ST3GAL3: variants seen among roughly 807,000 people sequenced by gnomAD.
ST3GAL3 encodes the protein ST3 beta-galactoside alpha-2,3-sialyltransferase 3.
Under a neutral mutation model 50.1 loss-of-function variants are expected in ST3GAL3, and 21 were observed. That is an observed-to-expected ratio of 0.42 (90% confidence interval 0.30 to 0.60). The LOEUF (loss-of-function observed/expected upper bound fraction) is 0.60. ST3GAL3 is among the 20% of genes least tolerant of loss of function. The pLI is 0.19. For synonymous variants in ST3GAL3, 183 were observed against 190.0 expected (o/e 0.96, Z 0.30); for missense variants, 353 against 489.4 (o/e 0.72, Z 2.63).
At position 43,866,138 on chromosome 1, in the gene ST3GAL3, G is replaced by A. The variant is rs1205126648; in HGVS notation, c.302+27827G>A. ...GACACCCAGGTAAGGACATGTCATG[G>A]CCCCTTTCAGCAGCCTGGGAAAATG... On this transcript the variant is annotated intron_variant, in intron 5 of 11. Transcript: ENST00000347631. Among the ~76,000 whole-genome samples, 3 of 152,224 alleles carry A rather than the reference G, an allele frequency of 2.0e-5. No homozygotes were observed. The East Asian group carries it at 5.8e-4, about 29-fold the overall frequency.
chr1:43,834,873 T>C (rs1205835214), intron 4 of ST3GAL3, among the ~76,000 whole-genome samples: 1 of 152,238 alleles, frequency 6.6e-6, no homozygotes, highest in Non-Finnish European at 1.5e-5. Flanking sequence ...CACTTGCTTG[T>C]CAGTGTCCTC....
At chr1:43,721,902 C>G (rs1305862884) in intron 1 of ST3GAL3, among the ~76,000 whole-genome samples, 1 of 152,124 alleles carries the variant, frequency 6.6e-6, no homozygotes. Flanking sequence ...ACCCGGCCCC[C>G]TCATGTATTT....
chr1:43,733,355 CTCA>C (rs1032799882), intron 1 of ST3GAL3, among the ~76,000 whole-genome samples: 1 of 152,186 alleles, frequency 6.6e-6, no homozygotes, highest in African/African-American at 2.4e-5. Flanking sequence ...TCACCTGCTT[CTCA>C]TCATCCCATC....
At chr1:43,824,584 A>G in intron 4 of ST3GAL3, 2 of 939,036 alleles carry the variant, frequency 2.1e-6, no homozygotes, top group Non-Finnish European at 3.4e-6. Flanking sequence ...CTTACTTCAC[A>G]ACAGGAGAGC....
At chr1:43,817,659 CCTT>C (rs796501134) in intron 4 of ST3GAL3, among the ~76,000 whole-genome samples, 17 of 98,760 alleles carry the variant, frequency 1.7e-4, no homozygotes, top group African/African-American at 4.3e-4. Flanking sequence ...TCCTCCTTCT[CCTT>C]CTTCTCCTTC....
At chr1:43,885,437 TGCCGGGGTGCTGGCGGGGCTG>T (rs1307052839) in intron 5 of ST3GAL3, among the ~76,000 whole-genome samples, 1 of 151,960 alleles carries the variant, frequency 6.6e-6, no homozygotes, top group Non-Finnish European at 1.5e-5. Context: ...CTGCCTCGCG[TGCCGGGGTGCTGGCGGGGCTG>T]GCGGGCTGGG....
intron 2 of ST3GAL3, 141 bp from the exon 3 acceptor site, chr1:43,791,961 T>C (rs1411111953): frequency 1.5e-5 from 14 of 954,110 alleles, no homozygotes; most frequent in Non-Finnish European, 1.5e-5. Flanking sequence ...TGGGTGGGCA[T>C]GGGCCTGGGA....
chr1:43,813,986 T>C lies in ST3GAL3; in HGVS notation c.167-905T>C, dbSNP rs114309401. 4.9e-3 allele frequency among the ~76,000 whole-genome samples: 744 copies of C among 152,102 alleles called. 4 individuals carry two copies. The highest frequency in any genetic ancestry group is 0.016 in the African/African-American group (682 of 41,484). On this transcript the variant is annotated intron_variant, in intron 3 of 11. Transcript: ENST00000347631. ...AATAATCCCATGACACTTCATATCA[T>C]TTTCCTTATACAAATGTTTTTGAGG...
At chr1:43,781,260 A>T (rs757457876) in intron 2 of ST3GAL3, among the ~76,000 whole-genome samples, 2 of 152,184 alleles carry the variant, frequency 1.3e-5, no homozygotes, top group African/African-American at 2.4e-5. Flanking sequence ...TGTGGTTCCT[A>T]TGCCAGATCT....
At chr1:43,807,417 AAAATAAATAAAT>A (rs59894927) in intron 3 of ST3GAL3, among the ~76,000 whole-genome samples, 84 of 142,692 alleles carry the variant, frequency 5.9e-4, no homozygotes, top group East Asian at 2.5e-3. Context: ...CTCTGTCTCA[AAAATAAATAAAT>A]AAATAAATAA....
intron 5 of ST3GAL3, among the ~76,000 whole-genome samples, chr1:43,848,047 A>G (rs78284675): frequency 0.013 from 1,952 of 152,218 alleles, 49 homozygotes; most frequent in African/African-American, 0.045. Context: ...AAGATTTTTA[A>G]AAATGTTTTG....
At chr1:43,749,963 C>G (rs1233633044) in intron 2 of ST3GAL3, among the ~76,000 whole-genome samples, 2 of 152,180 alleles carry the variant, frequency 1.3e-5, no homozygotes, top group African/African-American at 4.8e-5. Context: ...GACACCAAAC[C>G]TGCTAATGTT....
At chr1:43,762,132 G>T (rs1014530025) in intron 2 of ST3GAL3, among the ~76,000 whole-genome samples, 2 of 151,024 alleles carry the variant, frequency 1.3e-5, no homozygotes, top group South Asian at 4.2e-4. Flanking sequence ...TCAGTCGGAT[G>T]TGGTGGCACG....
chr1:43,759,584 C>G (rs1301171062), intron 2 of ST3GAL3, among the ~76,000 whole-genome samples: 1 of 152,208 alleles, frequency 6.6e-6, no homozygotes, highest in African/African-American at 2.4e-5. Context: ...AAGCAGAGAA[C>G]TACTGTCTTT....
At chr1:43,911,277 G>T (rs1167052215) in intron 9 of ST3GAL3, 1 of 151,712 alleles carries the variant, frequency 6.6e-6, no homozygotes, top group Non-Finnish European at 1.5e-5. Context: ...CTAGTAACTG[G>T]GGCTATAGGT....
chr1:43,810,882 CCG>C (rs2060477385), intron 3 of ST3GAL3, among the ~76,000 whole-genome samples: 1 of 151,916 alleles, frequency 6.6e-6, no homozygotes, highest in African/African-American at 2.4e-5. Context: ...AGAGGGAGGC[CCG>C]ATGGCCTCCC....
intron 2 of ST3GAL3, among the ~76,000 whole-genome samples, chr1:43,791,869 G>A (rs1477785771): frequency 6.6e-6 from 1 of 152,164 alleles, no homozygotes; most frequent in African/African-American, 2.4e-5. Context: ...AGAATTTGGG[G>A]CCTGTCCCTG....
chr1:43,838,437 C>A, intron 5 of ST3GAL3, 126 bp downstream of exon 5: 1 of 920,398 alleles, frequency 1.1e-6, no homozygotes, highest in Non-Finnish European at 1.8e-6. Flanking sequence ...CTGGAAAGGA[C>A]TCTGCCTTTA....
At chr1:43,728,567 A>G (rs887529362) in intron 1 of ST3GAL3, among the ~76,000 whole-genome samples, 6 of 152,262 alleles carry the variant, frequency 3.9e-5, no homozygotes, top group African/African-American at 1.4e-4. Context: ...CCACATAGCA[A>G]GACCCTGTTG....
Sources: allele counts gnomAD v4.1 joint callset (sites outside exome capture counted in the v4.1 genomes callset), GRCh38; gene constraint gnomAD v4.1.1; transcripts MANE v1.5; gene names NCBI Gene and HGNC (gene_info 2026-07-23, HGNC 2026-07-21).